Variants in SNTG2 observed in about 807,000 individuals in gnomAD.
SNTG2 encodes the protein syntrophin gamma 2.
SNTG2 carries 74 observed loss-of-function variants against 70.9 expected under a neutral mutation model. The observed-to-expected ratio is 1.04, with a 90% CI of 0.86 to 1.27. The LOEUF is 1.27. Ranked by LOEUF, SNTG2 falls within the 50% of genes most tolerant of loss-of-function variation. SNTG2 has a pLI of 0.00. For synonymous variants in SNTG2, 278 were observed against 273.8 expected (o/e 1.02, Z -0.15); for missense variants, 717 against 690.7 (o/e 1.04, Z -0.43).
Position 1,237,970 on chromosome 2 carries a change from T to C in SNTG2, c.802T>C (p.Trp268Arg), listed in dbSNP as rs749074838. 8 of 1,610,170 alleles carry C rather than the reference T, an allele frequency of 5.0e-6. No homozygotes were observed. The highest frequency in any genetic ancestry group is 6.8e-6 in the Non-Finnish European group (8 of 1,178,682). The change falls in exon 10 of 17, where the codon TGG becomes CGG. Residue 268 changes from tryptophan to arginine, a missense_variant. Coordinates refer to ENST00000308624, the MANE Select transcript of SNTG2 (RefSeq NM_018968.4). ...RFYTAQDGTD[W>R]LRAVSANIRE... ...TTACACAGCCCAGGATGGCACCGAC[T>C]GGCTGCGGGCGGTCTCAGCCAACAT...
At chr2:1,131,652 CTTTTCTTTTT>C (rs1668020850) in intron 4 of SNTG2, among the ~76,000 whole-genome samples, 1 of 150,538 alleles carries the variant, frequency 6.6e-6, no homozygotes, top group Non-Finnish European at 1.5e-5. Context: ...CTTTTTTTTT[CTTTTCTTTTT>C]TTTTTGTGAG....
intron 14 of SNTG2, among the ~76,000 whole-genome samples, chr2:1,271,077 A>G (rs960006705): frequency 6.6e-6 from 1 of 152,208 alleles, no homozygotes; most frequent in African/African-American, 2.4e-5. Flanking sequence ...TAGTAGCTTC[A>G]TGCAAGTCCT....
intron 9 of SNTG2, among the ~76,000 whole-genome samples, chr2:1,227,418 C>T (rs1196777690): frequency 3.3e-5 from 5 of 152,262 alleles, no homozygotes; most frequent in Non-Finnish European, 7.3e-5. Flanking sequence ...TGGTGTCCAG[C>T]GTCTGCTGCT....
At chr2:1,103,983 T>C (rs1478795548) in intron 4 of SNTG2, among the ~76,000 whole-genome samples, 1 of 152,182 alleles carries the variant, frequency 6.6e-6, no homozygotes, top group Non-Finnish European at 1.5e-5. Context: ...GAGAAAAATA[T>C]AGCTACATTT....
chr2:1,273,684 A>G (rs1192997468), intron 14 of SNTG2, among the ~76,000 whole-genome samples: 1 of 151,070 alleles, frequency 6.6e-6, no homozygotes, highest in East Asian at 1.9e-4. Flanking sequence ...AGAATGAAAT[A>G]TAAGTACAAA....
intron 11 of SNTG2, among the ~76,000 whole-genome samples, chr2:1,241,896 C>A (rs150531798): frequency 2.0e-5 from 3 of 152,268 alleles, no homozygotes; most frequent in African/African-American, 7.2e-5. Flanking sequence ...ACCTGATAAC[C>A]CTGACCAAAC....
chr2:1,186,564 A>G (rs1410154466), intron 8 of SNTG2, among the ~76,000 whole-genome samples: 1 of 152,202 alleles, frequency 6.6e-6, no homozygotes, highest in Non-Finnish European at 1.5e-5. Context: ...GAGACCTCAG[A>G]AAACTTAAAC....
chr2:1,339,293 T>G (rs554029710), intron 16 of SNTG2, among the ~76,000 whole-genome samples: 2 of 152,362 alleles, frequency 1.3e-5, no homozygotes, highest in African/African-American at 4.8e-5. Flanking sequence ...TGTGTAAATA[T>G]TTTCTTCCAT....
intron 6 of SNTG2, among the ~76,000 whole-genome samples, 180 bp from the exon 7 acceptor site, chr2:1,165,368 C>A (rs534786350): frequency 2.4e-4 from 37 of 152,196 alleles, no homozygotes; most frequent in African/African-American, 8.7e-4. Context: ...GGTAGGTGGT[C>A]TCGGAGGTGA....
At chr2:1,147,825 A>T (rs960845208) in intron 6 of SNTG2, among the ~76,000 whole-genome samples, 2 of 152,234 alleles carry the variant, frequency 1.3e-5, no homozygotes, top group Admixed American at 6.5e-5. Flanking sequence ...TGATTGTTCC[A>T]TGTGAAAGTA....
intron 14 of SNTG2, among the ~76,000 whole-genome samples, chr2:1,283,466 G>A (rs1463942312): frequency 6.6e-6 from 1 of 152,170 alleles, no homozygotes; most frequent in Non-Finnish European, 1.5e-5. Context: ...TTAGTCAACG[G>A]AGCTGCTGTG....
At chr2:1,153,753 T>A (rs1669673568) in intron 6 of SNTG2, among the ~76,000 whole-genome samples, 1 of 152,258 alleles carries the variant, frequency 6.6e-6, no homozygotes, top group Admixed American at 6.5e-5. Context: ...AAAAACACTA[T>A]TGATGCTGAA....
At chr2:1,157,302 C>A (rs536268619) in intron 6 of SNTG2, among the ~76,000 whole-genome samples, 96 of 152,322 alleles carry the variant, frequency 6.3e-4, no homozygotes, top group African/African-American at 2.1e-3. Context: ...CCCTGCAGAA[C>A]CCAGAGGTGC....
At position 1,288,769 on chromosome 2, in the gene SNTG2, C is replaced by T. The variant is rs114057715; in HGVS notation, c.1285-19725C>T. ...CACACCTCACACACATGTACACATG[C>T]ACACTCATGCACATTCATGCAGGCA... On this transcript the variant is annotated intron_variant, in intron 14 of 16. Coordinates refer to ENST00000308624, the MANE Select transcript of SNTG2 (RefSeq NM_018968.4). Among the ~76,000 whole-genome samples, 983 of 152,272 alleles carry T rather than the reference C, an allele frequency of 6.5e-3. 11 individuals carry two copies. Among genetic ancestry groups the T allele is most frequent in the African/African-American group, 0.023 (939 of 41,558 alleles).
intron 1 of SNTG2, among the ~76,000 whole-genome samples, chr2:1,054,208 C>T (rs1050922411): frequency 1.3e-5 from 2 of 151,990 alleles, no homozygotes; most frequent in Non-Finnish European, 2.9e-5. Context: ...TGTTCTGCCA[C>T]CTTGTCAGGT....
chr2:1,222,127 CTCTCTCTG>C (rs1675229116), intron 9 of SNTG2, among the ~76,000 whole-genome samples: 2 of 115,304 alleles, frequency 1.7e-5, no homozygotes, highest in African/African-American at 3.8e-5. Context: ...CTCTCTCTGT[CTCTCTCTG>C]TCTCTCTCTG....
intron 1 of SNTG2, among the ~76,000 whole-genome samples, chr2:1,076,551 T>C (rs559947032): frequency 1.3e-5 from 2 of 152,364 alleles, no homozygotes; most frequent in South Asian, 4.1e-4. Context: ...TGTGATACTT[T>C]ATGTCAAGTA....
At chr2:1,332,566 A>G (rs974612662) in intron 16 of SNTG2, among the ~76,000 whole-genome samples, 6 of 152,220 alleles carry the variant, frequency 3.9e-5, no homozygotes, top group Non-Finnish European at 7.3e-5. Flanking sequence ...AATTCAACAT[A>G]ATATGCCAAT....
intron 6 of SNTG2, among the ~76,000 whole-genome samples, chr2:1,152,570 A>G (rs1340683499): frequency 2.3e-5 from 1 of 44,108 alleles, no homozygotes; most frequent in Non-Finnish European, 1.2e-4. Flanking sequence ...AGGTGTGCAC[A>G]TGTGCATGTG....
Sources: allele counts gnomAD v4.1 joint callset (sites outside exome capture counted in the v4.1 genomes callset), GRCh38; gene constraint gnomAD v4.1.1; transcripts MANE v1.5; gene names NCBI Gene and HGNC (gene_info 2026-07-23, HGNC 2026-07-21).